Variants in TCF12 observed in about 807,000 individuals in gnomAD.
TCF12 encodes the protein DNA-binding protein HTF4.
TCF12 carries 45 observed loss-of-function variants against 86.0 expected under a neutral mutation model. That is an observed-to-expected ratio of 0.52 (90% CI 0.41 to 0.67). The LOEUF is 0.67. TCF12 is among the 30% of genes least tolerant of loss of function. The pLI is 0.00. For missense variants in TCF12, 881 were observed against 859.9 expected, an observed-to-expected ratio of 1.02 and a Z score of -0.31; for synonymous variants, 330 against 299.6, an observed-to-expected ratio of 1.10 and a Z score of -1.05.
At chr15:57,218,987 A>G in intron 8 of TCF12, 1 of 994,978 alleles carries the variant, frequency 1.0e-6, no homozygotes, top group Non-Finnish European at 1.2e-6. Context: ...CACATGATTC[A>G]GTGTTTCCAA....
intron 3 of TCF12, among the ~76,000 whole-genome samples, chr15:56,995,506 TCTC>T (rs2063669385): frequency 6.6e-6 from 1 of 152,038 alleles, no homozygotes; most frequent in Non-Finnish European, 1.5e-5. Context: ...GTTTTGTAAT[TCTC>T]CTTGTAGTGA....
intron 5 of TCF12, among the ~76,000 whole-genome samples, chr15:57,164,581 G>A (rs1032005919): frequency 5.0e-4 from 76 of 152,280 alleles, no homozygotes; most frequent in African/African-American, 1.7e-3. Flanking sequence ...TCCCTCCCAC[G>A]ACATGTCGGG....
At chr15:57,203,813 A>C (rs2057675936) in intron 8 of TCF12, among the ~76,000 whole-genome samples, 1 of 152,156 alleles carries the variant, frequency 6.6e-6, no homozygotes. Flanking sequence ...ACTTGAGCCC[A>C]AGAGTTCAAG....
At chr15:57,074,077 C>T (rs1298911945) in intron 4 of TCF12, among the ~76,000 whole-genome samples, 5 of 151,910 alleles carry the variant, frequency 3.3e-5, no homozygotes, top group Admixed American at 2.0e-4. Flanking sequence ...ACGGTACTGC[C>T]ATCTTACTTC....
chr15:57,137,538 G>T (rs1338273362), intron 5 of TCF12, among the ~76,000 whole-genome samples: 1 of 152,192 alleles, frequency 6.6e-6, no homozygotes, highest in African/African-American at 2.4e-5. Flanking sequence ...AACTGAGAAT[G>T]TAGGAATCGT....
At position 57,253,478 on chromosome 15, in the gene TCF12, T is replaced by C. The variant is rs1310449002; in HGVS notation, c.1467+10T>C. 1 of 1,613,540 alleles carries C rather than the reference T, an allele frequency of 6.2e-7. No homozygotes were observed. The highest frequency in any genetic ancestry group is 8.5e-7 in the Non-Finnish European group (1 of 1,179,752). ...TCGATCAGCTTCAATGGTAAAATCA[T>C]GCTCATCTTTTTTGTAGTAAACCCT... On this transcript the variant is annotated intron_variant, in intron 16 of 20. Coordinates refer to ENST00000333725, the MANE Select transcript of TCF12 (RefSeq NM_207037.2).
chr15:57,034,066 A>G (rs2066359405), intron 3 of TCF12, among the ~76,000 whole-genome samples: 1 of 152,196 alleles, frequency 6.6e-6, no homozygotes, highest in South Asian at 2.1e-4. Flanking sequence ...TTTGATCACC[A>G]CATTGGTTTT....
At chr15:56,999,905 T>TA (rs1211612071) in intron 3 of TCF12, among the ~76,000 whole-genome samples, 1 of 151,782 alleles carries the variant, frequency 6.6e-6, no homozygotes, top group African/African-American at 2.4e-5. Context: ...TCATAATTAA[T>TA]AAAAAAAGAA....
chr15:57,038,106 C>T (rs2066633264), intron 3 of TCF12, among the ~76,000 whole-genome samples: 1 of 152,140 alleles, frequency 6.6e-6, no homozygotes, highest in African/African-American at 2.4e-5. Flanking sequence ...TTATTCACAA[C>T]ATCTGATTAG....
chr15:56,933,424 T>C (rs920136879), intron 3 of TCF12, among the ~76,000 whole-genome samples: 10 of 152,210 alleles, frequency 6.6e-5, no homozygotes, highest in Non-Finnish European at 1.3e-4. Context: ...TGCTCTGTTT[T>C]TTGTTCTGTG....
chr15:57,229,244 T>A (rs1224061342), intron 8 of TCF12, among the ~76,000 whole-genome samples: 2 of 152,030 alleles, frequency 1.3e-5, no homozygotes, highest in Non-Finnish European at 1.5e-5. Flanking sequence ...CCTATCAGCC[T>A]GTACAATACA....
chr15:57,259,571 A>G (rs545484384), intron 16 of TCF12, among the ~76,000 whole-genome samples: 37 of 152,388 alleles, frequency 2.4e-4, no homozygotes, highest in African/African-American at 8.9e-4. Flanking sequence ...AAGGCCATAC[A>G]TAGATTGTGA....
chr15:57,182,314 A>AT (rs1368694409), intron 6 of TCF12, among the ~76,000 whole-genome samples: 1 of 152,128 alleles, frequency 6.6e-6, no homozygotes, highest in African/African-American at 2.4e-5. Flanking sequence ...AAAATATATT[A>AT]TTTTATTAGT....
chr15:56,999,734 C>T (rs8031516), intron 3 of TCF12, among the ~76,000 whole-genome samples: 1 of 151,578 alleles, frequency 6.6e-6, no homozygotes, highest in Non-Finnish European at 1.5e-5. Context: ...ATTAGCTGGG[C>T]GTGGTGGTGC....
At chr15:57,036,194 G>C (rs2066497114) in intron 3 of TCF12, among the ~76,000 whole-genome samples, 3 of 151,996 alleles carry the variant, frequency 2.0e-5, no homozygotes, top group Admixed American at 2.0e-4. Flanking sequence ...ATGTGGTGTG[G>C]AATTAGTTGA....
intron 3 of TCF12, among the ~76,000 whole-genome samples, chr15:57,023,122 G>C (rs1313192909): frequency 1.3e-5 from 2 of 151,968 alleles, no homozygotes; most frequent in African/African-American, 2.4e-5. Flanking sequence ...GTTTAGCTGG[G>C]GTTATAAGAA....
intron 4 of TCF12, 65 bp downstream of exon 4, chr15:57,063,888 T>A: frequency 8.2e-7 from 1 of 1,225,608 alleles, no homozygotes; most frequent in Non-Finnish European, 1.2e-6. Flanking sequence ...TTCTTTCATA[T>A]ATGCTGTTTC....
At chr15:57,275,961 CT>C (rs1258790473) in intron 19 of TCF12, among the ~76,000 whole-genome samples, 1 of 152,180 alleles carries the variant, frequency 6.6e-6, no homozygotes, top group Non-Finnish European at 1.5e-5. Flanking sequence ...CCAGTTTAAG[CT>C]TTTCCATTAT....
Position 57,100,355 on chromosome 15 carries a change from A to G in TCF12, c.325+8464A>G, listed in dbSNP as rs143372293. 6.0e-3 allele frequency among the ~76,000 whole-genome samples: 919 copies of G among 152,230 alleles called. 11 individuals are homozygous for G. The highest frequency in any genetic ancestry group is 0.021 in the African/African-American group (879 of 41,522). On this transcript the variant is annotated intron_variant, in intron 5 of 20. Transcript: ENST00000333725. ...AGAATTTGGGACACTGTTTTGATTT[A>G]AGAAAAGTCCTAGAGCAGCATTAAC...
Sources: allele counts gnomAD v4.1 joint callset (sites outside exome capture counted in the v4.1 genomes callset), GRCh38; gene constraint gnomAD v4.1.1; transcripts MANE v1.5; gene names NCBI Gene and HGNC (gene_info 2026-07-23, HGNC 2026-07-21).